The following HSPA12A variants were observed in gnomAD, a reference collection of about 807,000 sequenced individuals.
HSPA12A encodes the protein heat shock protein family A (Hsp70) member 12A, also known as heat shock 70 kDa protein 12A.
A neutral mutation model predicts 69.2 loss-of-function variants in HSPA12A; 28 were observed. The observed-to-expected ratio is 0.40, with a 90% CI of 0.30 to 0.55. The LOEUF (loss-of-function observed/expected upper bound fraction) is 0.55, where lower values mean the gene tolerates loss of function less well. Among genes scored for constraint, HSPA12A ranks in the 20% least tolerant of loss-of-function variants. The probability of loss-of-function intolerance (pLI) is 0.38; values close to 1 mark genes in which losing one functional copy is unlikely to be tolerated. For missense variants in HSPA12A, 686 were observed against 900.7 expected, an observed-to-expected ratio of 0.76 and a Z score of 3.05; for synonymous variants, 345 against 370.5, an observed-to-expected ratio of 0.93 and a Z score of 0.79.
In HSPA12A at chr10:116,686,115, C is replaced by T. The variant is rs1554879480; in HGVS notation, c.664-2153G>A. 1.3e-5 allele frequency among the ~76,000 whole-genome samples: 2 copies of T among 152,146 alleles called. No individual in the cohort carries two copies. Among genetic ancestry groups the T allele is most frequent in the Non-Finnish European group, 2.9e-5 (2 of 68,032 alleles). The stretch of plus-strand genomic sequence containing the variant: ...CCCTATTCAAGCAAGTAAAAGTCCC[C>T]CCTCCCCAGCTTCACTCTCACAGGG... On this transcript the variant is annotated intron_variant, in intron 6 of 11. Coordinates refer to ENST00000369209, the MANE Select transcript of HSPA12A (RefSeq NM_025015.3). This position sits in a 1 kb window ranked among gnomAD's most constrained non-coding sequence, Gnocchi z 4.1.
chr10:116,739,429 C>T (rs1171777813), intron 1 of HSPA12A, among the ~76,000 whole-genome samples: 1 of 152,158 alleles, frequency 6.6e-6, no homozygotes. Context: ...AGGATGGCAT[C>T]TCCAAAGCCC....
At chr10:116,833,011 T>G (rs1306296502) in intron 2 of HSPA12A, 1 of 152,232 alleles carries the variant, frequency 6.6e-6, no homozygotes, top group Non-Finnish European at 1.5e-5. Flanking sequence ...AAGTTTCAGA[T>G]GCCCTTTGTT....
At chr10:116,841,409 T>C (rs192174154) in intron 1 of HSPA12A, among the ~76,000 whole-genome samples, 328 of 152,330 alleles carry the variant, frequency 2.2e-3, no homozygotes, top group African/African-American at 7.3e-3. Flanking sequence ...ACTTCTGTAA[T>C]CTCTACCTAA....
chr10:116,764,147 T>C (rs1844029244), intron 2 of HSPA12A, among the ~76,000 whole-genome samples: 1 of 152,136 alleles, frequency 6.6e-6, no homozygotes, highest in Non-Finnish European at 1.5e-5. Flanking sequence ...TCCTTCTAAC[T>C]CACTATGGAA....
intron 1 of HSPA12A, among the ~76,000 whole-genome samples, chr10:116,848,074 A>G (rs1589740156): frequency 6.6e-6 from 1 of 152,256 alleles, no homozygotes; most frequent in East Asian, 1.9e-4. Flanking sequence ...GGTGAAATGG[A>G]AACAGCAGCA....
Position 116,698,710 on chromosome 10 carries a change from T to C in HSPA12A, c.471A>G (p.Ala157=). 6.2e-7 allele frequency: 1 copy of C among 1,614,140 alleles called. No individual in the cohort carries two copies. The highest frequency in any genetic ancestry group is 1.1e-5 in the South Asian group (1 of 91,078). The change falls in exon 5 of 12, where the codon GCA becomes GCG. Residue 157 remains alanine, a synonymous_variant. Coordinates refer to ENST00000369209, the MANE Select transcript of HSPA12A (RefSeq NM_025015.3). ...GGGCTTTGACTTTCTTGCCATTTGC[T>C]GCCGTCAGGTCTGTATCCATGGTGA... ...GDLTMDTDLT[A]ANGKKVKALE... is the part of the protein sequence containing the mutation.
intron 2 of HSPA12A, among the ~76,000 whole-genome samples, chr10:116,749,709 A>C (rs1382524364): frequency 6.6e-6 from 1 of 152,188 alleles, no homozygotes; most frequent in African/African-American, 2.4e-5. Flanking sequence ...AGCGGCACTG[A>C]GGGGGAAACA....
chr10:116,713,703 G>T, intron 1 of HSPA12A, among the ~76,000 whole-genome samples: 1 of 152,084 alleles, frequency 6.6e-6, no homozygotes, highest in African/African-American at 2.4e-5. Context: ...TTGGTCCGTG[G>T]GCCTCCAATT....
At position 116,720,060 on chromosome 10, in the gene HSPA12A, C is replaced by T. The variant is rs143620178; in HGVS notation, c.41-12775G>A. 1.4e-4 allele frequency among the ~76,000 whole-genome samples: 22 copies of T among 152,294 alleles called. No homozygotes were observed. In the East Asian group the frequency reaches 1.7e-3, roughly 12 times the overall value. ...ATGTTTGGGAATTTAATAGTGGTGA[C>T]GGTTGCACAATCTTGTGAATACTAT... On this transcript the variant is annotated intron_variant, in intron 1 of 11. Coordinates refer to ENST00000369209, the MANE Select transcript of HSPA12A (RefSeq NM_025015.3).
upstream of HSPA12A, chr10:116,849,948 A>G (rs1846023537): frequency 1.4e-6 from 1 of 712,890 alleles, no homozygotes; most frequent in African/African-American, 1.7e-5. Flanking sequence ...GAAAGGAGGC[A>G]GCTGGAGGAA....
intron 2 of HSPA12A, among the ~76,000 whole-genome samples, chr10:116,764,995 A>G (rs1370726302): frequency 1.3e-5 from 2 of 152,226 alleles, no homozygotes; most frequent in Non-Finnish European, 2.9e-5. Flanking sequence ...TCTTTTGTGT[A>G]GTGAAGGATT....
At chr10:116,764,899 T>A (rs1171130963) in intron 2 of HSPA12A, among the ~76,000 whole-genome samples, 2 of 152,208 alleles carry the variant, frequency 1.3e-5, no homozygotes, top group Non-Finnish European at 2.9e-5. Flanking sequence ...CATTTTCTAA[T>A]GATAAAAAGA....
At chr10:116,755,799 C>A (rs1190938204) in intron 2 of HSPA12A, among the ~76,000 whole-genome samples, 6 of 80,950 alleles carry the variant, frequency 7.4e-5, no homozygotes, top group Non-Finnish European at 1.5e-4. Flanking sequence ...AAAACCCCAT[C>A]TCTACCAAAA....
rs572753054 is a variant in HSPA12A at position 116,788,696 on chromosome 10, C to T, written c.91+46239G>A. ...TCTCTTAATTATATATTGTGGGTAT[C>T]TGCACAATAATACATGCTACATCAT... On this transcript the variant is annotated intron_variant, in intron 2 of 12. Transcript: ENST00000635765. 4.6e-5 allele frequency among the ~76,000 whole-genome samples: 7 copies of T among 152,072 alleles called. No individual in the cohort carries two copies. In the South Asian group the frequency reaches 1.2e-3, roughly 27 times the overall value.
chr10:116,692,197 G>T (rs1849755702), intron 6 of HSPA12A, among the ~76,000 whole-genome samples, 154 bp downstream of exon 6: 1 of 152,178 alleles, frequency 6.6e-6, no homozygotes, highest in Non-Finnish European at 1.5e-5. Flanking sequence ...ATGGCTCCTT[G>T]TCTCCCAGCT....
chr10:116,698,190 G>A (rs1161513989), intron 5 of HSPA12A: 1 of 154,948 alleles, frequency 6.5e-6, no homozygotes, highest in Non-Finnish European at 1.4e-5. Flanking sequence ...GTATACGTGT[G>A]TTTGTGTGGA....
intron 2 of HSPA12A, among the ~76,000 whole-genome samples, chr10:116,779,954 G>GAA (rs1564817370): frequency 6.6e-6 from 1 of 152,106 alleles, no homozygotes; most frequent in African/African-American, 2.4e-5. Context: ...AGGGCTGGCC[G>GAA]GCCCTGAAGG....
intron 1 of HSPA12A, among the ~76,000 whole-genome samples, chr10:116,849,066 C>A (rs1388759740): frequency 1.3e-5 from 2 of 152,152 alleles, no homozygotes; most frequent in Non-Finnish European, 2.9e-5. Context: ...ATCCCTCCCC[C>A]AACAGAGTGG....
At chr10:116,746,749 T>C (rs1300652785), upstream of HSPA12A, among the ~76,000 whole-genome samples, 1 of 152,214 alleles carries the variant, frequency 6.6e-6, no homozygotes, top group Non-Finnish European at 1.5e-5. Context: ...AATTACAGAA[T>C]GGATCCAGGC....
Sources: gnomAD v4.1 joint callset for allele counts (sites outside exome capture counted in the v4.1 genomes callset) on GRCh38, gnomAD v4.1.1 for gene constraint, Gnocchi (gnomAD v3.1) non-coding constraint, MANE v1.5 for transcripts, NCBI Gene and HGNC (gene_info 2026-07-23, HGNC 2026-07-21) for gene names.